SPIDR: variants seen among roughly 807,000 people sequenced by gnomAD.
SPIDR encodes DNA repair-scaffolding protein.
In SPIDR, 93 loss-of-function variants were observed where a neutral mutation model predicts 104.6. The ratio of observed to expected loss-of-function variants is 0.89; its 90% CI spans 0.75 to 1.06. SPIDR has a LOEUF of 1.06. SPIDR is among the 50% of genes least tolerant of loss of function. SPIDR has a pLI of 0.00. For synonymous variants in SPIDR, 431 were observed against 416.9 expected (o/e 1.03, Z -0.41); for missense variants, 1,154 against 1,111.2 (o/e 1.04, Z -0.55).
intron 10 of SPIDR, among the ~76,000 whole-genome samples, chr8:47,632,956 T>C (rs2067296487): frequency 6.6e-6 from 1 of 152,238 alleles, no homozygotes; most frequent in Admixed American, 6.5e-5. Flanking sequence ...TGTCTGCCTC[T>C]GCACCTTCAA....
intron 7 of SPIDR, among the ~76,000 whole-genome samples, chr8:47,420,603 A>C (rs2065257001): frequency 1.3e-5 from 2 of 152,208 alleles, no homozygotes; most frequent in Admixed American, 1.3e-4. Context: ...TGGCACATTT[A>C]GCCCATTTAC....
chr8:47,331,128 T>C (rs2048599282), intron 5 of SPIDR, among the ~76,000 whole-genome samples: 3 of 152,356 alleles, frequency 2.0e-5, no homozygotes, highest in East Asian at 1.9e-4. Context: ...TTCTTGTACT[T>C]ATTTGCCATC....
chr8:47,674,041 A>G, intron 11 of SPIDR, 100 bp downstream of exon 11: 14 of 1,427,548 alleles, frequency 9.8e-6, no homozygotes, highest in Non-Finnish European at 1.3e-5. Flanking sequence ...AAGGCAATAA[A>G]CCAGGATCCT....
intron 8 of SPIDR, among the ~76,000 whole-genome samples, chr8:47,513,415 G>A (rs1402016005): frequency 2.6e-5 from 4 of 152,064 alleles, no homozygotes; most frequent in Non-Finnish European, 5.9e-5. Context: ...CAATCTATAC[G>A]TCTGTATTTT....
intron 10 of SPIDR, among the ~76,000 whole-genome samples, chr8:47,668,733 C>T (rs1279661584): frequency 6.6e-6 from 1 of 152,086 alleles, no homozygotes; most frequent in African/African-American, 2.4e-5. Flanking sequence ...CATGAAAGTA[C>T]ACTAAACGGA....
intron 11 of SPIDR, among the ~76,000 whole-genome samples, chr8:47,699,802 G>A (rs547584662): frequency 3.9e-5 from 6 of 152,306 alleles, no homozygotes; most frequent in South Asian, 2.1e-4. Flanking sequence ...TGATCCATCC[G>A]CCTCAGCCTC....
rs184826374 is a variant in SPIDR at position 47,672,416 on chromosome 8, C to T, written c.1545-1385C>T. On this transcript the variant is annotated intron_variant, in intron 10 of 19. Transcript: ENST00000297423. ...TTCTCACTCTCCTCTATTTCTGCACCTTCTCTCATGTTTTTTTCCTCTCAC... is the reference window on the plus strand; with the variant it reads ...TTCTCACTCTCCTCTATTTCTGCACTTTCTCTCATGTTTTTTTCCTCTCAC... Among the ~76,000 whole-genome samples the T allele has an allele frequency of 3.3e-5, 5 of 152,088 alleles. No individual in the cohort carries two copies. In the East Asian group the frequency reaches 9.7e-4, roughly 29 times the overall value.
intron 6 of SPIDR, among the ~76,000 whole-genome samples, chr8:47,404,033 T>A (rs1170469528): frequency 6.6e-6 from 1 of 152,050 alleles, no homozygotes; most frequent in African/African-American, 2.4e-5. Flanking sequence ...ACAGAGCCTT[T>A]GAAAATAATA....
In SPIDR at chr8:47,462,213, C is replaced by T. The variant is rs148529231; in HGVS notation, c.1097+21671C>T. ...TGGATCTAGCCATTCAGCAGGGCTG[C>T]CAAGCCCTCGACTAGTACCGAGGGT... On this transcript the variant is annotated intron_variant, in intron 8 of 19. Coordinates refer to ENST00000297423, the MANE Select transcript of SPIDR (RefSeq NM_001080394.4). 7.7e-4 allele frequency among the ~76,000 whole-genome samples: 117 copies of T among 152,254 alleles called. No individual in the cohort carries two copies. In the East Asian group the frequency reaches 0.022, roughly 28 times the overall value.
In SPIDR at chr8:47,294,100, T is replaced by G. The variant is rs980931456; in HGVS notation, c.525+70T>G. 9.1e-6 allele frequency: 14 copies of G among 1,535,736 alleles called. No individual in the cohort carries two copies. In the East Asian group the frequency reaches 9.1e-5, roughly 10 times the overall value. ...TGCTAATCATAGTTGTCATTTTTTT[T>G]TTTGTTTTTTTTTTCCTGTCCTTCC... On this transcript the variant is annotated intron_variant, in intron 5 of 19. Transcript: ENST00000297423.
At position 47,727,951 on chromosome 8, in the gene SPIDR, T is replaced by C. The variant is rs544378260; in HGVS notation, c.2435+658T>C. Among the ~76,000 whole-genome samples, 3 of 151,988 alleles carry C rather than the reference T, an allele frequency of 2.0e-5. No homozygotes were observed. In the East Asian group the frequency reaches 5.8e-4, roughly 30 times the overall value. On this transcript the variant is annotated intron_variant, in intron 17 of 19. Coordinates refer to ENST00000297423, the MANE Select transcript of SPIDR (RefSeq NM_001080394.4). Reference sequence around the variant, plus strand: ...GGCCAACATGGCAAAACCCAGTCTCTACTAAAAATACAAACATTAGCTGGG... The same window carrying C: ...GGCCAACATGGCAAAACCCAGTCTCCACTAAAAATACAAACATTAGCTGGG...
intron 7 of SPIDR, among the ~76,000 whole-genome samples, chr8:47,427,860 G>A (rs529751672): frequency 6.6e-6 from 1 of 152,166 alleles, no homozygotes; most frequent in Non-Finnish European, 1.5e-5. Context: ...TGTGGTCCAG[G>A]GTCACCACTT....
At chr8:47,480,879 C>T (rs1443014478) in intron 8 of SPIDR, among the ~76,000 whole-genome samples, 8 of 152,236 alleles carry the variant, frequency 5.3e-5, no homozygotes, top group African/African-American at 1.2e-4. Flanking sequence ...ATTGTACAAA[C>T]TTCAGAGGCT....
chr8:47,392,253 A>C (rs1359971391), intron 5 of SPIDR, among the ~76,000 whole-genome samples: 3 of 152,234 alleles, frequency 2.0e-5, no homozygotes, highest in Admixed American at 2.0e-4. Context: ...GTAGCCCACT[A>C]GTAGGGAGTA....
At chr8:47,601,565 G>A (rs1352814250) in intron 10 of SPIDR, among the ~76,000 whole-genome samples, 2 of 152,174 alleles carry the variant, frequency 1.3e-5, no homozygotes, top group East Asian at 1.9e-4. Flanking sequence ...ATGGTGGTGC[G>A]TGCCTGCAGT....
In SPIDR at chr8:47,699,704, G is replaced by T. The variant is rs1437597685; in HGVS notation, c.1686-699G>T. Among the ~76,000 whole-genome samples, 3 of 152,082 alleles carry T rather than the reference G, an allele frequency of 2.0e-5. No individual in the cohort carries two copies. The South Asian group carries it at 6.2e-4, about 32-fold the overall frequency. ...CGAGTAGCTGGGATTACAGGCATCC[G>T]CCATCATGCCCGGCTAATTTTTGTA... On this transcript the variant is annotated intron_variant, in intron 11 of 19. Transcript: ENST00000297423.
chr8:47,488,056 T>C (rs1322887975), intron 8 of SPIDR, among the ~76,000 whole-genome samples: 1 of 152,038 alleles, frequency 6.6e-6, no homozygotes, highest in Non-Finnish European at 1.5e-5. Context: ...AAAAAATCAA[T>C]GAATCCACGA....
chr8:47,701,975 G>T lies in SPIDR; in HGVS notation c.1937G>T (p.Arg646Leu). ...DILQMNDLGT[R>L]CSFYATVIYQ... ...TTCCAGATGAATGATCTTGGTACCC[G>T]TTGCAGTTTCTATGCCACGGTGATT... is the stretch of plus-strand genomic sequence containing the variant. Residue 646 changes from arginine to leucine, a missense_variant, in exon 14 of 20, where the codon CGT becomes CTT. Transcript: ENST00000297423. The T allele has an allele frequency of 2.5e-6, 4 of 1,613,738 alleles. No homozygotes were observed. The Admixed American group carries it at 5.0e-5, about 20-fold the overall frequency.
intron 8 of SPIDR, among the ~76,000 whole-genome samples, chr8:47,532,153 C>T (rs2086133779): frequency 6.6e-6 from 1 of 150,882 alleles, no homozygotes; most frequent in Admixed American, 6.6e-5. Context: ...TCACTGCAAC[C>T]TCCCCTCCCA....
Sources: allele counts gnomAD v4.1 joint callset (sites outside exome capture counted in the v4.1 genomes callset), GRCh38; gene constraint gnomAD v4.1.1; transcripts MANE v1.5; gene names NCBI Gene and HGNC (gene_info 2026-07-23, HGNC 2026-07-21).